The following SORD variants were observed in gnomAD, a reference collection of about 807,000 sequenced individuals.
SORD encodes the protein (R,R)-butanediol dehydrogenase.
Under a neutral mutation model 35.6 loss-of-function variants are expected in SORD, and 18 were observed. The observed-to-expected ratio is 0.51, with a 90% confidence interval of 0.35 to 0.75. The LOEUF is 0.75. Among genes scored for constraint, SORD ranks in the 30% least tolerant of loss-of-function variants. SORD has a pLI of 0.01. For synonymous variants in SORD, 106 were observed against 152.9 expected (o/e 0.69, Z 2.26); for missense variants, 250 against 390.2 (o/e 0.64, Z 3.03).
intron 6 of SORD, 78 bp from the exon 7 acceptor site, chr15:45,068,799 C>G: frequency 1.4e-6 from 2 of 1,425,400 alleles, no homozygotes; most frequent in Non-Finnish European, 1.8e-6. Flanking sequence ...CTTACATCTC[C>G]ATTTTCTTTT....
chr15:45,066,941 G>C (rs751266091), intron 5 of SORD, among the ~76,000 whole-genome samples: 3 of 152,176 alleles, frequency 2.0e-5, no homozygotes, highest in Admixed American at 6.5e-5. Context: ...CACACACACA[G>C]AAATTCACCT....
chr15:45,042,460 A>C (rs1386108925), intron 2 of SORD: 4 of 152,002 alleles, frequency 2.6e-5, no homozygotes, highest in South Asian at 2.1e-4. Flanking sequence ...CCATTGCACT[A>C]CAGTCTGGGC....
chr15:45,052,688 C>T (rs1014795281), intron 3 of SORD, among the ~76,000 whole-genome samples: 2 of 152,172 alleles, frequency 1.3e-5, no homozygotes, highest in Non-Finnish European at 2.9e-5. Flanking sequence ...GACAGAGTCT[C>T]AGCCTTGCCA....
chr15:45,028,404 A>G (rs1284686443), intron 1 of SORD, among the ~76,000 whole-genome samples: 1 of 152,256 alleles, frequency 6.6e-6, no homozygotes, highest in Non-Finnish European at 1.5e-5. Context: ...ATTACAAATC[A>G]GTTCATCAAT....
At chr15:45,060,674 C>T (rs1437136282) in intron 3 of SORD, among the ~76,000 whole-genome samples, 1 of 152,316 alleles carries the variant, frequency 6.6e-6, no homozygotes, top group East Asian at 1.9e-4. Flanking sequence ...TATTAGCTAC[C>T]CCTTTTCCAG....
chr15:45,029,959 G>A (rs113645841), intron 1 of SORD, among the ~76,000 whole-genome samples: 30,902 of 150,138 alleles, frequency 0.21, no homozygotes, highest in African/African-American at 0.44. Flanking sequence ...ATGCAAAAAA[G>A]GTTAACGTGA....
chr15:45,062,171 C>CTGAGGTGG (rs1166052506), intron 4 of SORD, among the ~76,000 whole-genome samples: 1 of 149,564 alleles, frequency 6.7e-6, no homozygotes, highest in Non-Finnish European at 1.5e-5. Context: ...AAGAATAATG[C>CTGAGGTGG]TGAGGTGGGC....
At chr15:45,030,491 T>C (rs1448685380) in intron 1 of SORD, among the ~76,000 whole-genome samples, 6 of 152,244 alleles carry the variant, frequency 3.9e-5, no homozygotes, top group African/African-American at 1.2e-4. Flanking sequence ...GAAAATACAT[T>C]CAAATTTTGC....
At position 45,069,022 on chromosome 15, in the gene SORD, G is replaced by A. The variant is rs376776657; in HGVS notation, c.756G>A (p.Gly252=). 5.6e-5 allele frequency: 90 copies of A among 1,611,514 alleles called. No homozygotes were observed. The highest frequency in any genetic ancestry group is 1.3e-5 in the African/African-American group (1 of 74,630). Residue 252 remains glycine, a synonymous_variant, in exon 7 of 9, where the codon GGG becomes GGA. Transcript: ENST00000267814. Reference sequence around the variant, plus strand: ...CGGAAGTCACCATCGAGTGCACGGGGGCAGAGGCCTCCATCCAGGCGGGCA... The same window carrying A: ...CGGAAGTCACCATCGAGTGCACGGGAGCAGAGGCCTCCATCCAGGCGGGCA... ...CKPEVTIECT[G]AEASIQAGIY...
chr15:45,046,919 G>A (rs1356210110), intron 3 of SORD, among the ~76,000 whole-genome samples: 1 of 152,162 alleles, frequency 6.6e-6, no homozygotes, highest in Non-Finnish European at 1.5e-5. Context: ...TCAGGAGGCT[G>A]AGGCAGGAGA....
chr15:45,051,424 C>T (rs949468219), intron 3 of SORD, among the ~76,000 whole-genome samples: 1 of 152,132 alleles, frequency 6.6e-6, no homozygotes, highest in African/African-American at 2.4e-5. Context: ...CTATAATACC[C>T]AAAAGCTTGG....
At chr15:45,040,150 A>G (rs2576070) in intron 1 of SORD, among the ~76,000 whole-genome samples, 5,368 of 149,968 alleles carry the variant, frequency 0.036, 308 homozygotes, top group African/African-American at 0.13. Flanking sequence ...TGTATGCTCT[A>G]TGAGTATGCT....
intron 3 of SORD, chr15:45,047,257 T>C (rs1477005531): frequency 1.3e-5 from 2 of 151,916 alleles, no homozygotes; most frequent in African/African-American, 2.4e-5. Flanking sequence ...GTACCAGGAC[T>C]CTACACTATT....
intron 3 of SORD, among the ~76,000 whole-genome samples, chr15:45,048,986 G>A (rs1199764060): frequency 1.3e-5 from 2 of 152,170 alleles, no homozygotes; most frequent in Non-Finnish European, 2.9e-5. Flanking sequence ...GCAACTGCGA[G>A]TATGTTTTAG....
rs1290049630 is a variant in SORD at position 45,073,534 on chromosome 15, T to A, written c.*4T>A. On this transcript the variant is annotated 3_prime_UTR_variant, in exon 9 of 9. Coordinates refer to ENST00000267814, the MANE Select transcript of SORD (RefSeq NM_003104.6). ...CCCCAGTGACCAGAATCCCTGATGTTAATGGGCTCTGCCCTCATCCCCACA... is the reference window on the plus strand; with the variant it reads ...CCCCAGTGACCAGAATCCCTGATGTAAATGGGCTCTGCCCTCATCCCCACA... 3 of 1,595,208 alleles carry A rather than the reference T, an allele frequency of 1.9e-6. No individual in the cohort carries two copies. The highest frequency in any genetic ancestry group is 2.6e-6 in the Non-Finnish European group (3 of 1,173,956).
intron 3 of SORD, among the ~76,000 whole-genome samples, chr15:45,048,869 T>C (rs1893085371): frequency 6.6e-6 from 1 of 152,244 alleles, no homozygotes; most frequent in Admixed American, 6.5e-5. Flanking sequence ...TCTATGTAGC[T>C]GCCTACGTAA....
intron 4 of SORD, among the ~76,000 whole-genome samples, chr15:45,064,750 G>A (rs898062542): frequency 1.3e-5 from 2 of 152,218 alleles, no homozygotes; most frequent in Admixed American, 6.5e-5. Flanking sequence ...TAAAAAGGCT[G>A]TAAGTTTGAG....
chr15:45,041,931 C>T (rs1378012426), intron 2 of SORD: 3 of 152,208 alleles, frequency 2.0e-5, no homozygotes, highest in African/African-American at 7.2e-5. Flanking sequence ...ATTTTCCTAA[C>T]TCAAATGCCT....
intron 1 of SORD, among the ~76,000 whole-genome samples, chr15:45,039,629 C>G (rs1214964594): frequency 6.6e-6 from 1 of 152,194 alleles, no homozygotes; most frequent in South Asian, 2.1e-4. Context: ...TGCTTTTGAA[C>G]CTGTGAGAGG....
Sources: allele counts gnomAD v4.1 joint callset (sites outside exome capture counted in the v4.1 genomes callset), GRCh38; gene constraint gnomAD v4.1.1; transcripts MANE v1.5; gene names NCBI Gene and HGNC (gene_info 2026-07-23, HGNC 2026-07-21).